DNAJC1: variants seen among roughly 807,000 people sequenced by gnomAD.
DNAJC1 encodes the protein DnaJ heat shock protein family (Hsp40) member C1.
A neutral mutation model predicts 76.6 loss-of-function variants in DNAJC1; 58 were observed. The ratio of observed to expected loss-of-function variants is 0.76; its 90% CI spans 0.61 to 0.94. DNAJC1 has a LOEUF of 0.94. Among genes scored for constraint, DNAJC1 ranks in the 40% least tolerant of loss-of-function variants. The pLI is 0.00. For missense variants in DNAJC1, 689 were observed against 677.3 expected (o/e 1.02, Z -0.19); for synonymous variants, 258 against 267.9 (o/e 0.96, Z 0.36).
chr10:21,812,292 C>T (rs997663698), intron 8 of DNAJC1, among the ~76,000 whole-genome samples: 2 of 151,668 alleles, frequency 1.3e-5, no homozygotes, highest in African/African-American at 2.4e-5. Flanking sequence ...CTCCTGACCT[C>T]GTGATCTGCC....
At chr10:21,934,924 C>G (rs1222546877) in intron 1 of DNAJC1, among the ~76,000 whole-genome samples, 1 of 152,070 alleles carries the variant, frequency 6.6e-6, no homozygotes, top group Non-Finnish European at 1.5e-5. Context: ...ATTCTAGTGG[C>G]CATACACAGC....
In DNAJC1 at chr10:21,759,179, G is replaced by A. The variant is rs903327820; in HGVS notation, c.1587C>T (p.Ser529=). ...TTTCCCCATCACTCACCTTGCTCTT[G>A]GACGGGACACATCTGGCTATTTTGT... The part of the protein sequence containing the change: ...RWDKIARCVP[S]KSKEDCIARY... Residue 529 remains serine, a synonymous_variant, in exon 11 of 12, where the codon TCC becomes TCT. Coordinates refer to ENST00000376980, the MANE Select transcript of DNAJC1 (RefSeq NM_022365.4). 1 of 1,613,130 alleles carries A rather than the reference G, an allele frequency of 6.2e-7. No individual in the cohort carries two copies.
chr10:21,905,636 G>A (rs1003678413), intron 6 of DNAJC1, among the ~76,000 whole-genome samples: 3 of 152,080 alleles, frequency 2.0e-5, no homozygotes, highest in Non-Finnish European at 4.4e-5. Flanking sequence ...ATAACTGCTT[G>A]TATCATGTTA....
intron 9 of DNAJC1, among the ~76,000 whole-genome samples, chr10:21,790,026 A>AAAG (rs1564788583): frequency 1.3e-5 from 2 of 149,422 alleles, no homozygotes; most frequent in African/African-American, 5.0e-5. Context: ...AAAAAAAAAA[A>AAAG]AAAAAAAAAA....
At chr10:21,857,866 C>T (rs906509140) in intron 8 of DNAJC1, among the ~76,000 whole-genome samples, 22 of 149,622 alleles carry the variant, frequency 1.5e-4, no homozygotes, top group Admixed American at 4.6e-4. Flanking sequence ...AAAAAACAAA[C>T]AAACAAACAA....
chr10:21,929,080 T>C lies in DNAJC1; in HGVS notation c.284A>G (p.Asp95Gly). The C allele has an allele frequency of 6.2e-7, 1 of 1,612,486 alleles. No homozygotes were observed. Residue 95 changes from aspartate to glycine, a missense_variant, in exon 2 of 12, where the codon GAC (aspartate) becomes GGC (glycine). Asp to Gly is a moderately conservative substitution (Grantham distance 94). Transcript: ENST00000376980. ...TTCTGCATTTTCATCTTTATTCTTG[T>C]CTGGATGTAAAGTTAGTGAAAGCTT... ...YRKLSLTLHP[D>G]KNKDENAETQ...
chr10:21,841,184 T>C (rs940816447), intron 8 of DNAJC1, among the ~76,000 whole-genome samples: 3 of 152,186 alleles, frequency 2.0e-5, no homozygotes, highest in Non-Finnish European at 4.4e-5. Context: ...ATTCAGGACA[T>C]AGGCATGGGC....
intron 8 of DNAJC1, among the ~76,000 whole-genome samples, chr10:21,848,817 C>T (rs553527933): frequency 6.6e-6 from 1 of 152,236 alleles, no homozygotes; most frequent in African/African-American, 2.4e-5. Flanking sequence ...AGATAGAAAT[C>T]AGCAACAGAA....
chr10:21,918,577 CATT>C (rs1836990773), intron 6 of DNAJC1, among the ~76,000 whole-genome samples, 199 bp downstream of exon 6: 1 of 151,268 alleles, frequency 6.6e-6, no homozygotes, highest in Admixed American at 6.6e-5. Flanking sequence ...GATCTAAAAC[CATT>C]ATAAAAGATA....
At chr10:21,977,453 A>G (rs1031834378) in intron 1 of DNAJC1, among the ~76,000 whole-genome samples, 1 of 152,182 alleles carries the variant, frequency 6.6e-6, no homozygotes, top group Non-Finnish European at 1.5e-5. Context: ...TAACAACTCT[A>G]AAGGAGAAAT....
intron 8 of DNAJC1, among the ~76,000 whole-genome samples, chr10:21,815,102 C>G (rs545741348): frequency 1.3e-5 from 2 of 152,242 alleles, no homozygotes; most frequent in South Asian, 2.1e-4. Context: ...ACAGATGGCG[C>G]CAGACATGAG....
At chr10:21,911,037 GAGAAAGGA>G (rs1836850632) in intron 6 of DNAJC1, among the ~76,000 whole-genome samples, 2 of 108,404 alleles carry the variant, frequency 1.8e-5, no homozygotes, top group Non-Finnish European at 3.7e-5. Context: ...AAGAAAGAGA[GAGAAAGGA>G]AGGAAGGAAG....
At chr10:21,779,868 A>G (rs917231089) in intron 9 of DNAJC1, among the ~76,000 whole-genome samples, 7 of 152,198 alleles carry the variant, frequency 4.6e-5, no homozygotes, top group Non-Finnish European at 7.3e-5. Flanking sequence ...ACGAATGGCT[A>G]ACTAGAATAA....
rs189459529 is a variant in DNAJC1 at position 21,915,086 on chromosome 10, T to C, written c.729+3693A>G. 1.9e-3 allele frequency among the ~76,000 whole-genome samples: 297 copies of C among 152,348 alleles called. 2 individuals are homozygous for C. Among genetic ancestry groups the C allele is most frequent in the Middle Eastern group, 0.01 (3 of 294 alleles). On this transcript the variant is annotated intron_variant, in intron 6 of 11. Transcript: ENST00000376980. ...TGTTCTGATATACATTTAATATCTTTTTATTGAACTGGCTGAACTGTCTTT... is the reference window on the plus strand; with the variant it reads ...TGTTCTGATATACATTTAATATCTTCTTATTGAACTGGCTGAACTGTCTTT...
intron 9 of DNAJC1, among the ~76,000 whole-genome samples, chr10:21,782,540 A>C (rs1834545924): frequency 6.6e-6 from 1 of 152,232 alleles, no homozygotes; most frequent in African/African-American, 2.4e-5. Context: ...ATTCCTCCCT[A>C]ACTCATTTTA....
chr10:21,863,984 C>T (rs891404519), intron 8 of DNAJC1, among the ~76,000 whole-genome samples: 4 of 152,104 alleles, frequency 2.6e-5, no homozygotes, highest in Admixed American at 1.3e-4. Flanking sequence ...GGGTGGATCA[C>T]TTGAGCCCAG....
intron 9 of DNAJC1, among the ~76,000 whole-genome samples, chr10:21,799,728 A>G (rs753010018): frequency 6.6e-6 from 1 of 151,626 alleles, no homozygotes; most frequent in South Asian, 2.1e-4. Flanking sequence ...CTGATTCACC[A>G]TTTCTTGGAT....
intron 8 of DNAJC1, among the ~76,000 whole-genome samples, chr10:21,879,375 G>C (rs1836235287): frequency 6.6e-6 from 1 of 152,134 alleles, no homozygotes; most frequent in African/African-American, 2.4e-5. Context: ...TATAATCCCA[G>C]CACTTTAGGA....
intron 8 of DNAJC1, among the ~76,000 whole-genome samples, chr10:21,807,508 C>CTG (rs2131642930): frequency 1.3e-5 from 2 of 152,306 alleles, no homozygotes; most frequent in South Asian, 4.1e-4. Flanking sequence ...TGCATTGCCC[C>CTG]TGTTAAAGGG....
Sources: allele counts gnomAD v4.1 joint callset (sites outside exome capture counted in the v4.1 genomes callset), GRCh38; gene constraint gnomAD v4.1.1; transcripts MANE v1.5; gene names NCBI Gene and HGNC (gene_info 2026-07-23, HGNC 2026-07-21).